SLC4A5: variants seen among roughly 807,000 people sequenced by gnomAD.
SLC4A5 encodes solute carrier family 4 member 5, also known as electrogenic sodium bicarbonate cotransporter 4.
A neutral mutation model predicts 120.4 loss-of-function variants in SLC4A5; 96 were observed. The observed-to-expected ratio is 0.80, with a 90% CI of 0.68 to 0.94. SLC4A5 has a LOEUF of 0.94. SLC4A5 is among the 40% of genes least tolerant of loss of function. The pLI is 0.00. For synonymous variants in SLC4A5, 550 were observed against 571.1 expected (o/e 0.96, Z 0.53); for missense variants, 1,259 against 1,459.5 (o/e 0.86, Z 2.24).
chr2:74,289,349 C>T (rs1672086220), intron 7 of SLC4A5, among the ~76,000 whole-genome samples: 1 of 151,726 alleles, frequency 6.6e-6, no homozygotes, highest in South Asian at 2.1e-4. Flanking sequence ...CAGAGTCTCA[C>T]TCTTTTGCTT....
chr2:74,229,261 G>C (rs1379844192), intron 25 of SLC4A5, among the ~76,000 whole-genome samples: 2 of 148,190 alleles, frequency 1.3e-5, no homozygotes, highest in African/African-American at 5.0e-5. Flanking sequence ...TTTTTTTTTG[G>C]GGGGGGCACG....
chr2:74,240,879 T>G (rs985491178), intron 20 of SLC4A5, among the ~76,000 whole-genome samples: 1 of 152,108 alleles, frequency 6.6e-6, no homozygotes, highest in African/African-American at 2.4e-5. Context: ...AGAAGCAACC[T>G]TGGAGACAGT....
intron 8 of SLC4A5, among the ~76,000 whole-genome samples, chr2:74,276,226 A>G (rs766133662): frequency 6.6e-6 from 1 of 152,188 alleles, no homozygotes; most frequent in African/African-American, 2.4e-5. Flanking sequence ...TGTGCACAAA[A>G]AGCCTAAAAT....
chr2:74,300,223 G>A (rs887845457), intron 7 of SLC4A5, among the ~76,000 whole-genome samples: 1 of 152,210 alleles, frequency 6.6e-6, no homozygotes, highest in African/African-American at 2.4e-5. Flanking sequence ...AAGATGGGGA[G>A]ATGTTGGTCA....
At chr2:74,272,746 C>A (rs1006759135) in intron 8 of SLC4A5, among the ~76,000 whole-genome samples, 51 of 152,306 alleles carry the variant, frequency 3.3e-4, no homozygotes, top group African/African-American at 1.2e-3. Context: ...CTTTTCTGTG[C>A]CTAGTAACTC....
intron 5 of SLC4A5, among the ~76,000 whole-genome samples, chr2:74,317,781 C>T (rs1673003024): frequency 6.6e-6 from 1 of 152,248 alleles, no homozygotes; most frequent in Non-Finnish European, 1.5e-5. Flanking sequence ...TGGAGAACTT[C>T]CAGATTCCAA....
Position 74,218,808 on chromosome 2 carries a change from G to C in SLC4A5, c.*34-16C>G, listed in dbSNP as rs923545975. On this transcript the variant is annotated splice_polypyrimidine_tract_variant and intron_variant, in intron 30 of 30. Coordinates refer to ENST00000394019, the Ensembl canonical transcript of SLC4A5. ...CAAGGTGATGCTGAACGAGAAGTAGGAAAGAAGGATTACGTAGTTCTTGGT... is the reference window on the plus strand; with the variant it reads ...CAAGGTGATGCTGAACGAGAAGTAGCAAAGAAGGATTACGTAGTTCTTGGT... 6.6e-6 allele frequency: 1 copy of C among 152,668 alleles called. No individual in the cohort carries two copies. The highest frequency in any genetic ancestry group is 2.1e-4 in the South Asian group (1 of 4,828). 9.5% of individuals were successfully genotyped at this position (152,668 alleles called of 1,614,324 possible). A position where few individuals can be genotyped will look rare whatever the true frequency, so the allele number is the denominator to read the frequency against.
At chr2:74,320,863 G>A (rs1045831528) in intron 5 of SLC4A5, among the ~76,000 whole-genome samples, 3 of 152,142 alleles carry the variant, frequency 2.0e-5, no homozygotes, top group African/African-American at 7.2e-5. Context: ...TTTGACTGTT[G>A]CAAGAGGATA....
intron 8 of SLC4A5, among the ~76,000 whole-genome samples, chr2:74,285,029 C>T (rs1344100273): frequency 6.6e-6 from 1 of 152,066 alleles, no homozygotes; most frequent in African/African-American, 2.4e-5. Flanking sequence ...TTACCTTGAA[C>T]CATTTTATAT....
chr2:74,225,091 G>A (rs1694796611), intron 27 of SLC4A5, 96 bp from the exon 28 acceptor site: 6 of 1,223,690 alleles, frequency 4.9e-6, no homozygotes, highest in African/African-American at 3.1e-5. Context: ...CCCTCAGTCG[G>A]CTGAGTTCAG....
exon 11 of SLC4A5, chr2:74,262,176 C>T: frequency 6.2e-7 from 1 of 1,613,976 alleles, no homozygotes; most frequent in Non-Finnish European, 8.5e-7. Context: ...ATCCGCAGGT[C>T]TTCCGTGGAG....
chr2:74,333,651 T>C (rs1377365180), intron 4 of SLC4A5, among the ~76,000 whole-genome samples: 2 of 152,206 alleles, frequency 1.3e-5, no homozygotes, highest in Non-Finnish European at 2.9e-5. Context: ...CTTCAGATTA[T>C]GATATCTACG....
In SLC4A5 at chr2:74,226,847, G is replaced by A. The variant is rs566757996; in HGVS notation, c.3090+110C>T. 21 of 1,316,630 alleles carry A rather than the reference G, an allele frequency of 1.6e-5. 1 individual carries two copies. The highest frequency in any genetic ancestry group is 2.0e-5 in the Non-Finnish European group (19 of 939,886). 81.6% of individuals were successfully genotyped at this position (1,316,630 alleles called of 1,614,324 possible). On this transcript the variant is annotated intron_variant, in intron 27 of 30. Transcript: ENST00000394019. ...AGCCTCCGTGACCCGAGGGAGCCAG[G>A]CCACAGCTGACAGGAAGGCAGAAGG...
At chr2:74,249,211 A>C (rs971225245) in intron 17 of SLC4A5, among the ~76,000 whole-genome samples, 6 of 152,164 alleles carry the variant, frequency 3.9e-5, no homozygotes, top group African/African-American at 1.4e-4. Flanking sequence ...GCCACTGCCA[A>C]GAGGTGTGCT....
At chr2:74,302,488 G>A (rs1025292512) in intron 7 of SLC4A5, among the ~76,000 whole-genome samples, 3 of 152,216 alleles carry the variant, frequency 2.0e-5, no homozygotes, top group Middle Eastern at 3.4e-3. Flanking sequence ...GTGGTGGTAC[G>A]TGCCTGTAAT....
Position 74,334,590 on chromosome 2 carries a change from T to G in SLC4A5, c.-220-413A>C, listed in dbSNP as rs79153548. Among the ~76,000 whole-genome samples the G allele has an allele frequency of 4.6e-3, 695 of 152,356 alleles. 34 individuals carry two copies. In the East Asian group the frequency reaches 0.1, roughly 22 times the overall value. ...AAACCACAGTATGTGTTTATTCATTTGTTCACTTTTTGTCTGTTCCTCCAA... is the reference window on the plus strand; with the variant it reads ...AAACCACAGTATGTGTTTATTCATTGGTTCACTTTTTGTCTGTTCCTCCAA... On this transcript the variant is annotated intron_variant, in intron 3 of 30. Coordinates refer to ENST00000394019, the Ensembl canonical transcript of SLC4A5.
At chr2:74,273,932 G>A (rs909573935) in intron 8 of SLC4A5, among the ~76,000 whole-genome samples, 17 of 152,352 alleles carry the variant, frequency 1.1e-4, no homozygotes, top group Middle Eastern at 3.4e-3. Flanking sequence ...GGGAGGCCAA[G>A]GCAGGCAGAT....
intron 8 of SLC4A5, among the ~76,000 whole-genome samples, chr2:74,270,965 C>T (rs944349704): frequency 6.6e-6 from 1 of 152,208 alleles, no homozygotes; most frequent in African/African-American, 2.4e-5. Flanking sequence ...CTAGCACAGT[C>T]ATGCTATGCT....
rs574888133 is a variant in SLC4A5, at chr2:74,255,361, C to T, written c.1025+414G>A. ...AGGCTGGGGTGCAATAGCATGATCT[C>T]GGCTCACTGCAACCTCTGCCTCCCG... On this transcript the variant is annotated intron_variant, in intron 13 of 30. Coordinates refer to ENST00000394019, the Ensembl canonical transcript of SLC4A5. The surrounding 1 kb of genome is among the most constrained non-coding windows in gnomAD (Gnocchi z 4.0). 9.2e-5 allele frequency among the ~76,000 whole-genome samples: 14 copies of T among 152,020 alleles called. No individual in the cohort carries two copies. In the South Asian group the frequency reaches 1.0e-3, roughly 11 times the overall value.
Sources: allele counts gnomAD v4.1 joint callset (sites outside exome capture counted in the v4.1 genomes callset), GRCh38; gene constraint gnomAD v4.1.1; non-coding constraint Gnocchi (gnomAD v3.1); transcripts MANE v1.5; gene names NCBI Gene and HGNC (gene_info 2026-07-23, HGNC 2026-07-21).